FBLN5: variants seen among roughly 807,000 people sequenced by gnomAD.
FBLN5 encodes the protein fibulin 5, also known as fibulin-5.
In FBLN5, 24 loss-of-function variants were observed where a neutral mutation model predicts 61.6. That is an observed-to-expected ratio of 0.39 (90% CI 0.28 to 0.55). FBLN5 has a LOEUF of 0.55. Among genes scored for constraint, FBLN5 ranks in the 20% least tolerant of loss-of-function variants. The pLI is 0.65. For synonymous variants in FBLN5, 213 were observed against 219.8 expected, an observed-to-expected ratio of 0.97 and a Z score of 0.27; for missense variants, 470 against 594.1, an observed-to-expected ratio of 0.79 and a Z score of 2.17.
intron 1 of FBLN5, among the ~76,000 whole-genome samples, chr14:91,945,188 G>A (rs1047583323): frequency 7.4e-5 from 11 of 148,642 alleles, no homozygotes; most frequent in African/African-American, 1.0e-4. Flanking sequence ...CCGAGATTGC[G>A]CCACTGCATT....
intron 9 of FBLN5, among the ~76,000 whole-genome samples, chr14:91,880,559 G>GTGTGTGTT (rs1889387829): frequency 7.3e-6 from 1 of 136,342 alleles, no homozygotes; most frequent in African/African-American, 2.7e-5. Context: ...GTGTGTGTGT[G>GTGTGTGTT]TGTTTTGAGA....
chr14:91,903,655 C>T (rs937667395), intron 4 of FBLN5, among the ~76,000 whole-genome samples: 6 of 152,112 alleles, frequency 3.9e-5, no homozygotes, highest in Non-Finnish European at 7.4e-5. Flanking sequence ...CCCACACCAG[C>T]GCTCCATTCC....
At chr14:91,946,511 G>A (rs2056186526) in intron 1 of FBLN5, among the ~76,000 whole-genome samples, 1 of 122,346 alleles carries the variant, frequency 8.2e-6, no homozygotes, top group South Asian at 2.8e-4. Flanking sequence ...TTACAGCTTA[G>A]TTTTCAGCAC....
intron 8 of FBLN5, 61 bp from the exon 9 acceptor site, chr14:91,881,479 G>T: frequency 6.3e-7 from 1 of 1,599,840 alleles, no homozygotes; most frequent in South Asian, 1.1e-5. Flanking sequence ...CAGACGCGTG[G>T]GGGTGGGGTA....
chr14:91,906,031 C>T (rs1890672018), intron 4 of FBLN5, among the ~76,000 whole-genome samples: 2 of 152,170 alleles, frequency 1.3e-5, no homozygotes, highest in South Asian at 4.1e-4. Flanking sequence ...GGATTACAGG[C>T]ATGTGCCACC....
chr14:91,889,088 C>A (rs1889864764), intron 6 of FBLN5, among the ~76,000 whole-genome samples: 1 of 152,204 alleles, frequency 6.6e-6, no homozygotes, highest in African/African-American at 2.4e-5. Context: ...AGGGAGAAAA[C>A]AAATAAATGA....
intron 9 of FBLN5, among the ~76,000 whole-genome samples, chr14:91,879,205 C>T (rs1021872073): frequency 3.9e-5 from 6 of 152,146 alleles, no homozygotes; most frequent in African/African-American, 1.4e-4. Flanking sequence ...AGTGATGGCT[C>T]CCAGCTGAAG....
intron 8 of FBLN5, 50 bp from the exon 9 acceptor site, chr14:91,881,468 C>A (rs1157217098): frequency 6.2e-7 from 1 of 1,610,678 alleles, no homozygotes; most frequent in East Asian, 2.2e-5. Context: ...ATTGGCCAGG[C>A]CAGACGCGTG....
intron 4 of FBLN5, among the ~76,000 whole-genome samples, chr14:91,922,484 A>T (rs2140025624): frequency 6.6e-6 from 1 of 152,264 alleles, no homozygotes. Context: ...TACTACAATG[A>T]AAGGACTCAT....
chr14:91,937,133 C>T lies in FBLN5; in HGVS notation c.193G>A (p.Gly65Arg), dbSNP rs748311714. 2 of 1,614,098 alleles carry T rather than the reference C, an allele frequency of 1.2e-6. No individual in the cohort carries two copies. Among genetic ancestry groups the T allele is most frequent in the Non-Finnish European group, 1.7e-6 (2 of 1,180,018 alleles). The change falls in exon 4 of 11, where the codon GGG (glycine) becomes AGG (arginine). Residue 65 changes from glycine to arginine, a missense_variant. Transcript: ENST00000342058. ...TTTGTCCGGGGAATGCATAAATACCCGCCATTTTGGTTAACACACATCATG... is the reference window on the plus strand; with the variant it reads ...TTTGTCCGGGGAATGCATAAATACCTGCCATTTTGGTTAACACACATCATG... ...GDMMCVNQNG[G>R]YLCIPRTNPV...
intron 4 of FBLN5, among the ~76,000 whole-genome samples, chr14:91,932,821 C>T (rs1381417560): frequency 6.6e-6 from 1 of 152,166 alleles, no homozygotes; most frequent in Non-Finnish European, 1.5e-5. Flanking sequence ...AATAAGTGGC[C>T]AGGGAAACAG....
intron 3 of FBLN5, among the ~76,000 whole-genome samples, chr14:91,939,622 G>T (rs1273979728): frequency 6.6e-6 from 1 of 152,146 alleles, no homozygotes; most frequent in Admixed American, 6.5e-5. Flanking sequence ...GATTACAGGC[G>T]TGAGCCACCG....
At chr14:91,914,643 A>G (rs1891109900) in intron 4 of FBLN5, among the ~76,000 whole-genome samples, 1 of 152,046 alleles carries the variant, frequency 6.6e-6, no homozygotes, top group African/African-American at 2.4e-5. Context: ...AAAATAAAAA[A>G]AGAAAAAAAT....
At chr14:91,897,152 G>A (rs779401900) in intron 4 of FBLN5, among the ~76,000 whole-genome samples, 3 of 151,684 alleles carry the variant, frequency 2.0e-5, no homozygotes, top group Non-Finnish European at 4.4e-5. Context: ...CCAAGATGAC[G>A]GCAGCCTCCA....
In FBLN5 at chr14:91,894,905, C is replaced by A. The variant is rs74071608; in HGVS notation, c.502+45G>T. ...CATACCTCAAAATGCCCCTGGCAAC[C>A]GTTAACTTCCAAGAGTCCCTGTGAC... is the stretch of plus-strand genomic sequence containing the variant. On this transcript the variant is annotated intron_variant, in intron 5 of 10. Transcript: ENST00000342058. 1.3e-5 allele frequency: 20 copies of A among 1,586,632 alleles called. No homozygotes were observed. The South Asian group carries it at 2.2e-4, about 18-fold the overall frequency.
chr14:91,908,011 T>G (rs1353484995), intron 4 of FBLN5, among the ~76,000 whole-genome samples: 1 of 152,150 alleles, frequency 6.6e-6, no homozygotes, highest in Non-Finnish European at 1.5e-5. Flanking sequence ...CCCCAAAATA[T>G]ATTCACTGAC....
chr14:91,937,029 G>T lies in FBLN5; in HGVS notation c.297C>A (p.Leu99=), dbSNP rs766328723. 6.2e-7 allele frequency: 1 copy of T among 1,614,204 alleles called. No homozygotes were observed. Among genetic ancestry groups the T allele is most frequent in the East Asian group, 2.2e-5 (1 of 44,888 alleles). The change falls in exon 4 of 11, where the codon CTC becomes CTA. Residue 99 remains leucine, a synonymous_variant. Transcript: ENST00000342058. ...SGPYPAAAPP[L]SAPNYPTISR... is the part of the protein sequence containing the mutation. ...AGATCGTGGGATAGTTTGGAGCTGA[G>T]AGTGGTGGGGCAGCTGCTGGGTACG...
At chr14:91,936,221 A>G (rs1377010691) in intron 4 of FBLN5, among the ~76,000 whole-genome samples, 1 of 152,234 alleles carries the variant, frequency 6.6e-6, no homozygotes, top group Non-Finnish European at 1.5e-5. Flanking sequence ...GGGGTAGAGG[A>G]AAAAAGTAAT....
chr14:91,920,389 A>T (rs74071615), intron 4 of FBLN5, among the ~76,000 whole-genome samples: 3,002 of 152,324 alleles, frequency 0.02, 112 homozygotes, highest in African/African-American at 0.068. Context: ...CTCGAAATGA[A>T]TGAATTATCT....
Sources: gnomAD v4.1 joint callset for allele counts (sites outside exome capture counted in the v4.1 genomes callset) on GRCh38, gnomAD v4.1.1 for gene constraint, MANE v1.5 for transcripts, NCBI Gene and HGNC (gene_info 2026-07-23, HGNC 2026-07-21) for gene names.